GGTA1: variants seen among roughly 807,000 people sequenced by gnomAD.
GGTA1 encodes glycoprotein alpha-galactosyltransferase 1 (inactive).
GGTA1 carries 5 observed loss-of-function variants against 2.6 expected under a neutral mutation model. The observed-to-expected ratio is 1.92, with a 90% confidence interval of 1.00 to 4.04. The LOEUF (loss-of-function observed/expected upper bound fraction) is 4.04. Ranked by LOEUF, GGTA1 falls within the 30% of genes most tolerant of loss-of-function variation. The probability of loss-of-function intolerance (pLI) is 0.00; values close to 1 mark genes in which losing one functional copy is unlikely to be tolerated. For missense variants in GGTA1, 50 were observed against 16.7 expected, an observed-to-expected ratio of 2.99 and a Z score of -3.47; for synonymous variants, 17 against 5.0, an observed-to-expected ratio of 3.38 and a Z score of -3.19.
At chr9:121,467,423 A>G (rs780043128) in intron 2 of GGTA1, among the ~76,000 whole-genome samples, 5 of 152,178 alleles carry the variant, frequency 3.3e-5, no homozygotes, top group Non-Finnish European at 7.3e-5. Flanking sequence ...AAATTCAACA[A>G]CTTAAGTTGC....
intron 1 of GGTA1, among the ~76,000 whole-genome samples, chr9:121,471,236 TC>T (rs991234217): frequency 3.2e-4 from 49 of 151,524 alleles, no homozygotes; most frequent in African/African-American, 1.2e-3. Flanking sequence ...AGCAGCTGAG[TC>T]CCCCTTCTCT....
At chr9:121,459,684 C>A (rs1458913164) in intron 5 of GGTA1, among the ~76,000 whole-genome samples, 1 of 152,156 alleles carries the variant, frequency 6.6e-6, no homozygotes, top group Non-Finnish European at 1.5e-5. Context: ...GCACCATCAC[C>A]CACCAGTCTC....
Position 121,447,430 on chromosome 9 carries a change from CTCT to C in GGTA1, c.*283_*285del, listed in dbSNP as rs768539422. 15 of 152,692 alleles carry C rather than the reference CTCT, an allele frequency of 9.8e-5. No individual in the cohort carries two copies. The East Asian group carries it at 2.9e-3, about 29-fold the overall frequency. The allele number at this position is 152,692 out of a possible 1,614,324, so 9.5% of individuals were successfully genotyped here. On this transcript the variant is annotated 3_prime_UTR_variant and NMD_transcript_variant, in exon 8 of 8. Transcript: ENST00000481534. ...ACGCATCATGCTGATGTCTTGCCACCTCTTCTCTGGCTTGACCTCAAACATTTT... is the reference window on the plus strand; with the variant it reads ...ACGCATCATGCTGATGTCTTGCCACCTCTCTGGCTTGACCTCAAACATTTT...
downstream of GGTA1, among the ~76,000 whole-genome samples, chr9:121,450,668 T>A (rs144565239): frequency 4.3e-4 from 66 of 152,348 alleles, no homozygotes; most frequent in African/African-American, 1.6e-3. Flanking sequence ...GCAACGTGGC[T>A]GGGTTATCCC....
chr9:121,468,325 C>T (rs1299300522), intron 1 of GGTA1, among the ~76,000 whole-genome samples: 2 of 152,294 alleles, frequency 1.3e-5, no homozygotes, highest in East Asian at 3.9e-4. Flanking sequence ...CAGCTTCATC[C>T]ATGTCCCAGC....
chr9:121,450,087 C>T (rs778394988), downstream of GGTA1, among the ~76,000 whole-genome samples: 2 of 152,104 alleles, frequency 1.3e-5, no homozygotes, highest in African/African-American at 4.8e-5. Context: ...CACTTCTTTT[C>T]GCTTTTTGTT....
intron 1 of GGTA1, among the ~76,000 whole-genome samples, chr9:121,492,251 G>GT (rs962194005): frequency 3.5e-4 from 53 of 151,636 alleles, no homozygotes; most frequent in African/African-American, 6.0e-4. Flanking sequence ...TGTGTTTAGA[G>GT]TTTTTTTTTC....
rs1251851486 is a variant in GGTA1, at chr9:121,467,919, T to C, written c.4A>G (p.Asn2Asp). M[N>D]VKGKVILSML... ...GACAGAATTACTTTTCCTTTGACAT[T>C]CATTATTTTCTCCTAGGAAAAAAGA... Residue 2 changes from asparagine (N) to aspartate (D), a missense_variant, in exon 2 of 6, where the codon AAT becomes GAT. Transcript: ENST00000481799. 4.4e-6 allele frequency: 2 copies of C among 456,310 alleles called. No homozygotes were observed. The highest frequency in any genetic ancestry group is 1.4e-4 in the East Asian group (2 of 14,392). 28.3% of individuals were successfully genotyped at this position (456,310 alleles called of 1,614,324 possible).
intron 3 of GGTA1, among the ~76,000 whole-genome samples, chr9:121,461,996 G>A (rs2118673569): frequency 6.6e-6 from 1 of 152,330 alleles, no homozygotes; most frequent in East Asian, 1.9e-4. Flanking sequence ...ACCCATTTGA[G>A]AAAGTTTCCA....
At chr9:121,492,143 G>A in intron 1 of GGTA1, among the ~76,000 whole-genome samples, 1 of 152,174 alleles carries the variant, frequency 6.6e-6, no homozygotes, top group East Asian at 1.9e-4. Flanking sequence ...TCAGTTCCTG[G>A]TGTCCAAATT....
At chr9:121,483,844 T>A (rs532075111) in intron 1 of GGTA1, among the ~76,000 whole-genome samples, 1 of 152,346 alleles carries the variant, frequency 6.6e-6, no homozygotes, top group African/African-American at 2.4e-5. Flanking sequence ...GTGTGAGGAT[T>A]AAGTGTTCTT....
chr9:121,456,316 C>G (rs561108374), intron 5 of GGTA1, among the ~76,000 whole-genome samples: 5 of 152,272 alleles, frequency 3.3e-5, no homozygotes, highest in South Asian at 2.1e-4. Flanking sequence ...AAAGGGCCCC[C>G]TAACCAAAGC....
At chr9:121,496,154 T>A (rs555911477) in intron 1 of GGTA1, among the ~76,000 whole-genome samples, 1 of 152,340 alleles carries the variant, frequency 6.6e-6, no homozygotes, top group East Asian at 1.9e-4. Flanking sequence ...ACTTATTGCA[T>A]CTATATAATG....
intron 1 of GGTA1, among the ~76,000 whole-genome samples, chr9:121,475,343 A>G (rs1483375998): frequency 6.6e-6 from 1 of 152,202 alleles, no homozygotes; most frequent in African/African-American, 2.4e-5. Flanking sequence ...CATGTCATCA[A>G]GAAATAACCA....
intron 1 of GGTA1, among the ~76,000 whole-genome samples, chr9:121,469,223 C>T (rs1828329105): frequency 6.6e-6 from 1 of 151,796 alleles, no homozygotes; most frequent in African/African-American, 2.4e-5. Context: ...AAGTCGAGTC[C>T]CAAGGGATAA....
At chr9:121,495,122 G>T (rs556929666) in intron 1 of GGTA1, among the ~76,000 whole-genome samples, 27 of 151,984 alleles carry the variant, frequency 1.8e-4, no homozygotes, top group Middle Eastern at 3.4e-3. Flanking sequence ...GTTTCACTTT[G>T]TTGGCCAAGC....
chr9:121,479,152 C>T (rs936156187), intron 1 of GGTA1: 31 of 455,614 alleles, frequency 6.8e-5, no homozygotes, highest in African/African-American at 5.2e-4. Flanking sequence ...ACTGAGGGGG[C>T]CACCGAGAGT....
exon 8 of GGTA1, chr9:121,446,258 T>C (rs990851672): frequency 6.6e-6 from 1 of 152,360 alleles, no homozygotes; most frequent in Non-Finnish European, 1.5e-5. Context: ...ATGTCAAGGC[T>C]TTGTTTTGAC....
At chr9:121,451,039 C>T (rs2064875662), downstream of GGTA1, among the ~76,000 whole-genome samples, 2 of 151,116 alleles carry the variant, frequency 1.3e-5, no homozygotes, top group South Asian at 2.1e-4. Flanking sequence ...CATGAAGCTT[C>T]TTCAGAAGAG....
Sources: gnomAD v4.1 joint callset for allele counts (sites outside exome capture counted in the v4.1 genomes callset) on GRCh38, gnomAD v4.1.1 for gene constraint, MANE v1.5 for transcripts, NCBI Gene and HGNC (gene_info 2026-07-23, HGNC 2026-07-21) for gene names.